Variants in DYNC2H1 observed in about 807,000 individuals in gnomAD.
The protein encoded by DYNC2H1 is cytoplasmic dynein 2 heavy chain 1.
In DYNC2H1, 410 loss-of-function variants were observed where a neutral mutation model predicts 570.0. The observed-to-expected ratio is 0.72, with a 90% CI of 0.66 to 0.78. The LOEUF is 0.78. Among genes scored for constraint, DYNC2H1 ranks in the 30% least tolerant of loss-of-function variants. The probability of loss-of-function intolerance (pLI) is 0.00; values close to 1 mark genes in which losing one functional copy is unlikely to be tolerated. For missense variants in DYNC2H1, 4,865 were observed against 5,046.4 expected, an observed-to-expected ratio of 0.96 and a Z score of 1.09; for synonymous variants, 1,688 against 1,677.6, an observed-to-expected ratio of 1.01 and a Z score of -0.15.
At chr11:103,415,721 C>T (rs1048064898) in intron 84 of DYNC2H1, among the ~76,000 whole-genome samples, 3 of 152,178 alleles carry the variant, frequency 2.0e-5, no homozygotes, top group African/African-American at 7.2e-5. Flanking sequence ...ACTGGTTCAA[C>T]CATTGTGGAA....
Position 103,305,137 on chromosome 11 carries a change from A to T in DYNC2H1, c.11382+417A>T, listed in dbSNP as rs1193629416. Among the ~76,000 whole-genome samples the T allele has an allele frequency of 2.0e-5, 3 of 152,124 alleles. No homozygotes were observed. Among genetic ancestry groups the T allele is most frequent in the Admixed American group, 2.0e-4 (3 of 15,254 alleles). ...CAAATGTTTCGTTTATCTCAAATGG[A>T]CTCAGGAGAAAAATAATCTTAAGAC... On this transcript the variant is annotated intron_variant, in intron 77 of 88. Transcript: ENST00000375735. The surrounding 1 kb of genome is among the most constrained non-coding windows in gnomAD (Gnocchi z 4.3).
At chr11:103,456,742 C>T (rs1944802842) in intron 87 of DYNC2H1, among the ~76,000 whole-genome samples, 1 of 152,146 alleles carries the variant, frequency 6.6e-6, no homozygotes, top group Admixed American at 6.5e-5. Flanking sequence ...AAATCTGAAC[C>T]TTTTTGATTG....
At chr11:103,287,132 A>G (rs1002838975) in intron 74 of DYNC2H1, among the ~76,000 whole-genome samples, 1 of 150,704 alleles carries the variant, frequency 6.6e-6, no homozygotes, top group African/African-American at 2.4e-5. Context: ...ACAGGGCAAG[A>G]TGCTATTTCT....
At chr11:103,441,625 A>G (rs1296480999) in intron 85 of DYNC2H1, among the ~76,000 whole-genome samples, 1 of 152,092 alleles carries the variant, frequency 6.6e-6, no homozygotes, top group African/African-American at 2.4e-5. Flanking sequence ...ATTTACTCTC[A>G]AGCAAATTGG....
intron 83 of DYNC2H1, among the ~76,000 whole-genome samples, chr11:103,364,006 T>TA (rs1299249871): frequency 6.6e-6 from 1 of 152,024 alleles, no homozygotes; most frequent in Non-Finnish European, 1.5e-5. Context: ...ATGCCATTAA[T>TA]AAAAAATATG....
At chr11:103,281,666 ATT>A (rs1866138715) in intron 71 of DYNC2H1, among the ~76,000 whole-genome samples, 1 of 149,916 alleles carries the variant, frequency 6.7e-6, no homozygotes, top group Admixed American at 6.7e-5. Flanking sequence ...GAAGGTGTAG[ATT>A]TTCTTGGCAC....
chr11:103,204,757 G>T lies in DYNC2H1; in HGVS notation c.8312-65G>T, dbSNP rs1862858286. On this transcript the variant is annotated intron_variant, in intron 51 of 88. Transcript: ENST00000375735. The surrounding 1 kb of genome is among the most constrained non-coding windows in gnomAD (Gnocchi z 4.1). Reference sequence around the variant, plus strand: ...CTACTATTTCATTTGAGAAAATTTTGATCTCTTTAACCCAGACCACGTATA... The same window carrying T: ...CTACTATTTCATTTGAGAAAATTTTTATCTCTTTAACCCAGACCACGTATA... 1.6e-6 allele frequency: 2 copies of T among 1,269,256 alleles called. No individual in the cohort carries two copies. Among genetic ancestry groups the T allele is most frequent in the South Asian group, 1.7e-5 (1 of 60,572 alleles). The allele number at this position is 1,269,256 out of a possible 1,614,324, so 78.6% of individuals were successfully genotyped here.
chr11:103,362,320 CT>C lies in DYNC2H1; in HGVS notation c.12156+3973del, dbSNP rs879453459. On this transcript the variant is annotated intron_variant, in intron 83 of 88. Coordinates refer to ENST00000375735, the MANE Select transcript of DYNC2H1 (RefSeq NM_001377.3). ...GCTTCTTAAATATATTAATTTTTTT[CT>C]TTTTTTTTTTTCTTTTTTTTTTTTT... 5.1e-3 allele frequency among the ~76,000 whole-genome samples: 362 copies of C among 71,578 alleles called. 2 individuals carry two copies. Among genetic ancestry groups the C allele is most frequent in the African/African-American group, 0.012 (286 of 24,090 alleles). 47.0% of individuals were successfully genotyped at this position (71,578 alleles called of 152,430 possible).
chr11:103,161,843 G>A (rs1029373186), intron 29 of DYNC2H1, among the ~76,000 whole-genome samples: 4 of 152,130 alleles, frequency 2.6e-5, no homozygotes, highest in Non-Finnish European at 4.4e-5. Context: ...AAACTAACTA[G>A]CAATAGATTG....
At chr11:103,267,802 A>G (rs1345584357) in intron 70 of DYNC2H1, among the ~76,000 whole-genome samples, 1 of 151,878 alleles carries the variant, frequency 6.6e-6, no homozygotes, top group Non-Finnish European at 1.5e-5. Flanking sequence ...CTTTATATTC[A>G]TAAGTACAAA....
chr11:103,281,187 A>G (rs866772542), intron 71 of DYNC2H1, among the ~76,000 whole-genome samples: 11 of 152,198 alleles, frequency 7.2e-5, no homozygotes, highest in Middle Eastern at 3.4e-3. Context: ...AATGCAGACC[A>G]TTCACAGTTC....
At chr11:103,285,681 T>G (rs1186997989) in intron 73 of DYNC2H1, among the ~76,000 whole-genome samples, 1 of 151,946 alleles carries the variant, frequency 6.6e-6, no homozygotes, top group Non-Finnish European at 1.5e-5. Flanking sequence ...CGCCTCAGCC[T>G]CCCAAAGTGC....
rs932730059 is a variant in DYNC2H1 at position 103,195,099 on chromosome 11, T to C, written c.7709-2834T>C. Among the ~76,000 whole-genome samples the C allele has an allele frequency of 3.9e-5, 6 of 152,204 alleles. No homozygotes were observed. The South Asian group carries it at 6.2e-4, about 16-fold the overall frequency. ...TTGTTGGATATATGGTTTGCAAATA[T>C]ATTCTCCCTCTCAGTAGGCTTGTCT... On this transcript the variant is annotated intron_variant, in intron 47 of 88. Coordinates refer to ENST00000375735, the MANE Select transcript of DYNC2H1 (RefSeq NM_001377.3).
intron 21 of DYNC2H1, 114 bp downstream of exon 21, chr11:103,152,399 A>G (rs1591323871): frequency 1.0e-6 from 1 of 967,506 alleles, no homozygotes; most frequent in Non-Finnish European, 1.5e-6. Context: ...GTGGCTGTTG[A>G]AATTGACCTC....
chr11:103,153,231 T>G lies in DYNC2H1; in HGVS notation c.3097-72T>G. On this transcript the variant is annotated intron_variant, in intron 21 of 88. Coordinates refer to ENST00000375735, the MANE Select transcript of DYNC2H1 (RefSeq NM_001377.3). Reference sequence around the variant, plus strand: ...TTTTTCACTTTTAAATAGAAAATATTAGAAAGAAAAGTATGAACCCAAAAT... The same window carrying G: ...TTTTTCACTTTTAAATAGAAAATATGAGAAAGAAAAGTATGAACCCAAAAT... 3.0e-6 allele frequency: 4 copies of G among 1,315,856 alleles called. No homozygotes were observed. In the East Asian group the frequency reaches 1.1e-4, roughly 36 times the overall value. 81.5% of individuals were successfully genotyped at this position (1,315,856 alleles called of 1,614,324 possible).
chr11:103,226,475 T>C (rs1189199802), intron 59 of DYNC2H1, among the ~76,000 whole-genome samples: 4 of 152,250 alleles, frequency 2.6e-5, no homozygotes, highest in African/African-American at 9.6e-5. Flanking sequence ...GAGATGATTA[T>C]GTGATATTTG....
chr11:103,237,781 C>T (rs11225615), intron 63 of DYNC2H1, among the ~76,000 whole-genome samples: 7,518 of 149,472 alleles, frequency 0.05, 253 homozygotes, highest in Non-Finnish European at 0.072. Flanking sequence ...CCATAAGAAA[C>T]AAGGGGAGGG....
chr11:103,391,340 A>G (rs1942142189), intron 83 of DYNC2H1, among the ~76,000 whole-genome samples: 1 of 152,086 alleles, frequency 6.6e-6, no homozygotes, highest in Admixed American at 6.5e-5. Context: ...CCTGGTTTTC[A>G]GCTCCATGAG....
At chr11:103,225,590 T>C (rs1863770792) in intron 59 of DYNC2H1, among the ~76,000 whole-genome samples, 1 of 152,190 alleles carries the variant, frequency 6.6e-6, no homozygotes, top group Admixed American at 6.5e-5. Context: ...CTGGATTTTC[T>C]CTTCTGTTCC....
Sources: allele counts gnomAD v4.1 joint callset (sites outside exome capture counted in the v4.1 genomes callset), GRCh38; gene constraint gnomAD v4.1.1; non-coding constraint Gnocchi (gnomAD v3.1); transcripts MANE v1.5; gene names NCBI Gene and HGNC (gene_info 2026-07-23, HGNC 2026-07-21).